Variants in SCN9A observed in about 807,000 individuals in gnomAD.
SCN9A encodes the protein sodium channel protein type 9 subunit alpha.
SCN9A carries 131 observed loss-of-function variants against 187.0 expected under a neutral mutation model. That is an observed-to-expected ratio of 0.70 (90% CI 0.61 to 0.81). The LOEUF is 0.81. SCN9A is among the 30% of genes least tolerant of loss of function. The probability of loss-of-function intolerance (pLI) is 0.00; values close to 1 mark genes in which losing one functional copy is unlikely to be tolerated. For synonymous variants in SCN9A, 809 were observed against 808.6 expected (o/e 1.00, Z -0.01); for missense variants, 2,252 against 2,396.6 (o/e 0.94, Z 1.26).
intron 2 of SCN9A, among the ~76,000 whole-genome samples, 161 bp downstream of exon 2, chr2:166,311,330 CTATATATA>C (rs10688081): frequency 0.022 from 1,043 of 46,614 alleles, 24 homozygotes; most frequent in Middle Eastern, 0.043. Context: ...TCTGAATATC[CTATATATA>C]TATATATATA....
chr2:166,235,259 G>A (rs954576713), intron 20 of SCN9A, among the ~76,000 whole-genome samples: 4 of 151,686 alleles, frequency 2.6e-5, no homozygotes, highest in Admixed American at 6.6e-5. Flanking sequence ...TTTATGACAC[G>A]GAATATATGC....
chr2:166,244,492 G>T (rs988421541), intron 18 of SCN9A, among the ~76,000 whole-genome samples: 1 of 151,948 alleles, frequency 6.6e-6, no homozygotes, highest in Non-Finnish European at 1.5e-5. Context: ...TTAAGGAAAG[G>T]TAATAAATAC....
Position 166,253,159 on chromosome 2 carries a change from A to C in SCN9A, c.3352-1274T>G, listed in dbSNP as rs1696119818. Reference sequence around the variant, plus strand: ...TTGATGGGTACCACATTAAATTCTCAATGCTATTATTATCACCTAGTATAC... The same window carrying C: ...TTGATGGGTACCACATTAAATTCTCCATGCTATTATTATCACCTAGTATAC... On this transcript the variant is annotated intron_variant, in intron 17 of 26. Transcript: ENST00000642356. Among the ~76,000 whole-genome samples the C allele has an allele frequency of 1.3e-5, 2 of 151,928 alleles. 1 individual carries two copies. The highest frequency in any genetic ancestry group is 4.1e-4 in the South Asian group (2 of 4,836).
chr2:166,366,465 A>T (rs1700419725), intron 1 of SCN9A, among the ~76,000 whole-genome samples: 1 of 152,158 alleles, frequency 6.6e-6, no homozygotes, highest in African/African-American at 2.4e-5. Context: ...GCTATTGTGA[A>T]TAATGCTGCA....
At chr2:166,312,094 C>T (rs1184480280) in intron 1 of SCN9A, among the ~76,000 whole-genome samples, 3 of 152,106 alleles carry the variant, frequency 2.0e-5, no homozygotes, top group Non-Finnish European at 4.4e-5. Flanking sequence ...CCCTTCTTTT[C>T]GTCTATATTT....
intron 17 of SCN9A, 115 bp from the exon 18 acceptor site, chr2:166,252,000 A>G (rs1039357426): frequency 1.7e-6 from 2 of 1,184,344 alleles, no homozygotes; most frequent in African/African-American, 1.5e-5. Flanking sequence ...AAAGATTAAT[A>G]GTATGATGGC....
At chr2:166,374,444 GGATCA>G (rs1353695918) in intron 1 of SCN9A, among the ~76,000 whole-genome samples, 2 of 151,702 alleles carry the variant, frequency 1.3e-5, no homozygotes, top group African/African-American at 4.8e-5. Flanking sequence ...TGCGACACAG[GGATCA>G]GATAAGACTA....
At chr2:166,342,342 A>G (rs1354927835) in intron 1 of SCN9A, among the ~76,000 whole-genome samples, 1 of 152,180 alleles carries the variant, frequency 6.6e-6, no homozygotes, top group African/African-American at 2.4e-5. Flanking sequence ...ACTTTTTGAC[A>G]CTGCAGGCCA....
intron 18 of SCN9A, chr2:166,249,299 A>G (rs1695932962): frequency 6.6e-6 from 1 of 152,034 alleles, no homozygotes; most frequent in Non-Finnish European, 1.5e-5. Flanking sequence ...GACCTGCTAC[A>G]TCTTGATATG....
At chr2:166,247,544 G>T (rs938473616) in intron 18 of SCN9A, among the ~76,000 whole-genome samples, 1 of 152,032 alleles carries the variant, frequency 6.6e-6, no homozygotes, top group Non-Finnish European at 1.5e-5. Context: ...TTGAGACAGA[G>T]TCTCACTTTG....
chr2:166,313,796 T>A (rs1559036574), intron 1 of SCN9A, among the ~76,000 whole-genome samples: 1 of 152,250 alleles, frequency 6.6e-6, no homozygotes, highest in African/African-American at 2.4e-5. Flanking sequence ...GATTTTGGCC[T>A]ATCTTGGCTT....
chr2:166,233,475 C>T lies in SCN9A; in HGVS notation c.3802-13G>A. On this transcript the variant is annotated splice_polypyrimidine_tract_variant and intron_variant, in intron 20 of 26. Transcript: ENST00000642356. ...TAACCAAAGAAACCTATAAAAATAA[C>T]ATTTTCATTAATTGTGTCAATAAAA... 6.4e-7 allele frequency: 1 copy of T among 1,552,206 alleles called. No individual in the cohort carries two copies. The highest frequency in any genetic ancestry group is 1.7e-4 in the Middle Eastern group (1 of 5,874).
At chr2:166,232,855 C>A (rs10200828) in intron 21 of SCN9A, among the ~76,000 whole-genome samples, 117,332 of 146,754 alleles carry the variant, frequency 0.8, 47,445 homozygotes, top group Middle Eastern at 0.87. Context: ...CTTTCATATT[C>A]TGTATATATT....
chr2:166,328,698 C>T (rs1020490221), intron 1 of SCN9A, among the ~76,000 whole-genome samples: 26 of 151,920 alleles, frequency 1.7e-4, no homozygotes, highest in Admixed American at 9.8e-4. Context: ...TTAGAATAGG[C>T]GCCTGTTTAC....
Position 166,277,277 on chromosome 2 carries a change from AC to A in SCN9A, c.2579del (p.Gly860ValfsTer4). 1 of 1,614,026 alleles carries A rather than the reference AC, an allele frequency of 6.2e-7. No individual in the cohort carries two copies. The highest frequency in any genetic ancestry group is 8.5e-7 in the Non-Finnish European group (1 of 1,179,914). ...GGTTACCTAGAGCCCCTACTGAGTT[AC>A]CAATGATCTTAATCAGCATGTTCAA... ...PTLNMLIKII[G>X]NSVGALGNLT... On this transcript the variant is annotated frameshift_variant, in exon 16 of 27. Coordinates refer to ENST00000642356, the MANE Select transcript of SCN9A (RefSeq NM_001365536.1). LOFTEE classifies it high-confidence loss of function.
chr2:166,251,528 T>C (rs970946738), intron 18 of SCN9A, among the ~76,000 whole-genome samples: 2 of 152,066 alleles, frequency 1.3e-5, no homozygotes, highest in African/African-American at 4.8e-5. Context: ...AGTAGTAGCA[T>C]GCTTACAGTC....
chr2:166,279,290 A>T (rs1199211354), intron 14 of SCN9A, among the ~76,000 whole-genome samples: 1 of 152,216 alleles, frequency 6.6e-6, no homozygotes, highest in South Asian at 2.1e-4. Context: ...ACAGACTCAG[A>T]AAAGAACTTC....
At position 166,347,119 on chromosome 2, in the gene SCN9A, GT is replaced by G. The variant is rs1467135428; in HGVS notation, c.-51+28577del. On this transcript the variant is annotated intron_variant, in intron 1 of 26. Transcript: ENST00000642356. ...GTGATGCTGAACTAATAAGAATGGT[GT>G]TTAGAGAGAACATAAGAAGAGTAAA... Among the ~76,000 whole-genome samples, 7 of 152,272 alleles carry G rather than the reference GT, an allele frequency of 4.6e-5. No individual in the cohort carries two copies. The East Asian group carries it at 1.3e-3, about 29-fold the overall frequency.
chr2:166,373,419 G>A (rs543458934), intron 1 of SCN9A, among the ~76,000 whole-genome samples: 17 of 151,800 alleles, frequency 1.1e-4, no homozygotes, highest in Admixed American at 9.2e-4. Context: ...TTACAGAAGT[G>A]GAGAGATTGA....
Sources: gnomAD v4.1 joint callset for allele counts (sites outside exome capture counted in the v4.1 genomes callset) on GRCh38, gnomAD v4.1.1 for gene constraint, MANE v1.5 for transcripts, NCBI Gene and HGNC (gene_info 2026-07-23, HGNC 2026-07-21) for gene names.